CS: variants seen among roughly 807,000 people sequenced by gnomAD.
CS encodes citrate synthase, also known as citrate synthase, mitochondrial.
In CS, 13 loss-of-function variants were observed where a neutral mutation model predicts 61.4. That is an observed-to-expected ratio of 0.21 (90% CI 0.14 to 0.34). The LOEUF is 0.34. Among genes scored for constraint, CS ranks in the 10% least tolerant of loss-of-function variants. CS has a pLI of 1.00. For missense variants in CS, 278 were observed against 573.4 expected (o/e 0.48, Z 5.26); for synonymous variants, 159 against 215.2 (o/e 0.74, Z 2.29).
intron 6 of CS, among the ~76,000 whole-genome samples, chr12:56,279,797 G>A (rs981496758): frequency 5.4e-5 from 8 of 148,936 alleles, no homozygotes; most frequent in African/African-American, 1.7e-4. Flanking sequence ...CAAAACAAAA[G>A]CAAAAAAGCA....
intron 1 of CS, among the ~76,000 whole-genome samples, chr12:56,297,256 C>G (rs904800330): frequency 9.2e-5 from 14 of 152,142 alleles, no homozygotes; most frequent in African/African-American, 3.4e-4. Flanking sequence ...AAATCCAAAC[C>G]CAGATCATCT....
In CS at chr12:56,291,365, T is replaced by A. The variant is rs1033802798; in HGVS notation, c.43-4720A>T. ...TCTTTCTTTCTTTCTTTTTTTTTTT[T>A]AACAGGCATCAAGGAAAAGATACCA... On this transcript the variant is annotated intron_variant, in intron 1 of 10. Coordinates refer to ENST00000351328, the MANE Select transcript of CS (RefSeq NM_004077.3). 1.9e-5 allele frequency: 14 copies of A among 739,448 alleles called. No homozygotes were observed. The African/African-American group carries it at 2.3e-4, about 12-fold the overall frequency. 45.8% of individuals were successfully genotyped at this position (739,448 alleles called of 1,614,324 possible).
At chr12:56,284,700 G>A (rs1872884973) in intron 3 of CS, among the ~76,000 whole-genome samples, 1 of 9,592 alleles carries the variant, frequency 1.0e-4, no homozygotes, top group Admixed American at 1.6e-3. Context: ...AGGATATCGA[G>A]ACATCCTGGC....
chr12:56,289,849 C>T (rs1001292010), intron 1 of CS, among the ~76,000 whole-genome samples: 2 of 152,086 alleles, frequency 1.3e-5, no homozygotes, highest in Non-Finnish European at 2.9e-5. Context: ...CTCAGTCTCC[C>T]ACAGTGCTGA....
At chr12:56,286,667 C>T (rs200939924) in intron 1 of CS, 22 bp from the exon 2 acceptor site, 39 of 1,609,548 alleles carry the variant, frequency 2.4e-5, no homozygotes, top group Non-Finnish European at 3.3e-5. Context: ...AAAAGAGAAC[C>T]TTATGTAACT....
At chr12:56,286,766 A>C in intron 1 of CS, 121 bp from the exon 2 acceptor site, 2 of 859,614 alleles carry the variant, frequency 2.3e-6, no homozygotes, top group Non-Finnish European at 3.7e-6. Flanking sequence ...GCAGTTTGAC[A>C]TAAGAAAGCT....
At chr12:56,297,005 T>A (rs1873327578) in intron 1 of CS, among the ~76,000 whole-genome samples, 1 of 152,206 alleles carries the variant, frequency 6.6e-6, no homozygotes, top group African/African-American at 2.4e-5. Context: ...ACAGGTGATG[T>A]TGTACAGTGG....
Position 56,275,142 on chromosome 12 carries a change from G to C in CS, c.789-11C>G. ...CCACCCTCATGGTCACTGTGGGGAA[G>C]TAAGAAGGGAGAGCCAAGGGAAGAA... On this transcript the variant is annotated splice_polypyrimidine_tract_variant and intron_variant, in intron 7 of 10. Coordinates refer to ENST00000351328, the MANE Select transcript of CS (RefSeq NM_004077.3). The C allele has an allele frequency of 6.2e-7, 1 of 1,613,874 alleles. No homozygotes were observed. Among genetic ancestry groups the C allele is most frequent in the Non-Finnish European group, 8.5e-7 (1 of 1,179,936 alleles).
chr12:56,295,683 G>A (rs188543306), intron 1 of CS, among the ~76,000 whole-genome samples: 46 of 151,720 alleles, frequency 3.0e-4, no homozygotes, highest in African/African-American at 1.1e-3. Context: ...GGCTGGGCGC[G>A]GCAGCTCACG....
intron 3 of CS, among the ~76,000 whole-genome samples, chr12:56,284,345 A>C (rs1872869444): frequency 6.6e-6 from 1 of 151,446 alleles, no homozygotes; most frequent in East Asian, 1.9e-4. Flanking sequence ...AAAGAAAAAA[A>C]AAAACAAACT....
intron 6 of CS, among the ~76,000 whole-genome samples, chr12:56,277,975 A>G (rs1872672337): frequency 6.6e-6 from 1 of 152,040 alleles, no homozygotes; most frequent in Non-Finnish European, 1.5e-5. Context: ...GTACTGTGCT[A>G]TCTATTTGCA....
In CS at chr12:56,300,287, G is replaced by A. The variant is rs1873450367; in HGVS notation, c.-86C>T. ...AGGAGCCGCCGCCGCTGCACCAGAG[G>A]CCGCGCCGACGGGTTGACAAGGTTG... On this transcript the variant is annotated 5_prime_UTR_variant, in exon 1 of 11. Coordinates refer to ENST00000351328, the MANE Select transcript of CS (RefSeq NM_004077.3). 16 of 1,409,156 alleles carry A rather than the reference G, an allele frequency of 1.1e-5. No homozygotes were observed. Among genetic ancestry groups the A allele is most frequent in the Non-Finnish European group, 1.5e-5 (16 of 1,036,634 alleles). The allele number at this position is 1,409,156 out of a possible 1,614,324, so 87.3% of individuals were successfully genotyped here. A position where few individuals can be genotyped will look rare whatever the true frequency, so the allele number is the denominator to read the frequency against.
chr12:56,275,053 A>G lies in CS; in HGVS notation c.867T>C (p.Phe289=). The G allele has an allele frequency of 1.9e-6, 3 of 1,614,228 alleles. No homozygotes were observed. The highest frequency in any genetic ancestry group is 2.5e-6 in the Non-Finnish European group (3 of 1,180,034). ...GSALSDPYLS[F]AAAMNGLAGP... is the part of the protein sequence containing the mutation. Reference sequence around the variant, plus strand: ...CTGCCAGCCCGTTCATGGCTGCTGCAAAGGACAGGTAAGGGTCGGAAAGGG... The same window carrying G: ...CTGCCAGCCCGTTCATGGCTGCTGCGAAGGACAGGTAAGGGTCGGAAAGGG... The change falls in exon 8 of 11, where the codon TTT becomes TTC. Residue 289 remains phenylalanine, a synonymous_variant. Coordinates refer to ENST00000351328, the MANE Select transcript of CS (RefSeq NM_004077.3).
intron 1 of CS, among the ~76,000 whole-genome samples, chr12:56,297,995 C>G (rs574359101): frequency 3.0e-4 from 45 of 152,172 alleles, no homozygotes; most frequent in Non-Finnish European, 5.1e-4. Flanking sequence ...TGCTACCCCC[C>G]CCGCCCTTTT....
At chr12:56,284,217 G>A (rs886897070) in intron 3 of CS, among the ~76,000 whole-genome samples, 1 of 151,540 alleles carries the variant, frequency 6.6e-6, no homozygotes, top group African/African-American at 2.4e-5. Context: ...TACTTGGGAG[G>A]CTGAGGCAGG....
chr12:56,287,847 G>C (rs1872991265), intron 1 of CS, among the ~76,000 whole-genome samples: 1 of 151,658 alleles, frequency 6.6e-6, no homozygotes, highest in African/African-American at 2.4e-5. Context: ...TAGTAGAGAC[G>C]GGGTTTCACC....
Position 56,286,013 on chromosome 12 carries a change from T to C in CS, c.104A>G (p.Asp35Gly). ...HASASSTNLK[D>G]ILADLIPKEQ... ...CTTAGGTATCAGGTCAGCCAATATG[T>C]CTTTCAAATTCTAAAAAGAAAAGTA... Residue 35 changes from aspartate to glycine, a missense_variant, in exon 3 of 11, where the codon GAC becomes GGC. Asp to Gly is a moderately conservative substitution (Grantham distance 94). This residue lies in a region of CS where 55 missense variants were observed against 69.9 expected (regional missense o/e 0.79). Transcript: ENST00000351328. 6.2e-7 allele frequency: 1 copy of C among 1,613,196 alleles called. No individual in the cohort carries two copies. The highest frequency in any genetic ancestry group is 1.1e-5 in the South Asian group (1 of 91,068).
chr12:56,287,700 A>T (rs999431194), intron 1 of CS, among the ~76,000 whole-genome samples: 1 of 152,002 alleles, frequency 6.6e-6, no homozygotes, highest in Non-Finnish European at 1.5e-5. Context: ...TGTTGCCCAG[A>T]CTGGAGTGCA....
At chr12:56,273,998 T>A in intron 9 of CS, 2 of 109,966 alleles carry the variant, frequency 1.8e-5, no homozygotes, top group Non-Finnish European at 4.0e-5. Flanking sequence ...CACATCTGGC[T>A]TTTTTTTTTT....
Sources: allele counts gnomAD v4.1 joint callset (sites outside exome capture counted in the v4.1 genomes callset), GRCh38; gene constraint gnomAD v4.1.1; regional missense constraint gnomAD v4.1.1; transcripts MANE v1.5; gene names NCBI Gene and HGNC (gene_info 2026-07-23, HGNC 2026-07-21).